The following HDAC9 variants were observed in gnomAD, a reference collection of about 807,000 sequenced individuals.
The protein encoded by HDAC9 is histone deacetylase 9.
A neutral mutation model predicts 139.4 loss-of-function variants in HDAC9; 41 were observed. That is an observed-to-expected ratio of 0.29 (90% confidence interval 0.23 to 0.38). The LOEUF is 0.38. Ranked by LOEUF, HDAC9 falls within the 10% of genes least tolerant of loss-of-function variation. HDAC9 has a pLI of 1.00. For synonymous variants in HDAC9, 517 were observed against 476.2 expected (o/e 1.09, Z -1.12); for missense variants, 1,147 against 1,297.0 (o/e 0.88, Z 1.78).
intron 15 of HDAC9, among the ~76,000 whole-genome samples, chr7:18,763,369 C>G (rs114805718): frequency 0.016 from 2,461 of 152,150 alleles, 69 homozygotes; most frequent in African/African-American, 0.056. Context: ...CCCACACATG[C>G]GTGTAGCAGT....
At chr7:18,181,634 A>C (rs139104255) in intron 2 of HDAC9, among the ~76,000 whole-genome samples, 1 of 152,296 alleles carries the variant, frequency 6.6e-6, no homozygotes, top group African/African-American at 2.4e-5. Flanking sequence ...GACCTCCACC[A>C]CAATTATACA....
intron 12 of HDAC9, among the ~76,000 whole-genome samples, chr7:18,689,342 A>C (rs971554279): frequency 6.6e-6 from 1 of 151,816 alleles, no homozygotes; most frequent in Non-Finnish European, 1.5e-5. Context: ...AATTTTCAAA[A>C]TTCAGAAACG....
At chr7:18,540,181 G>C (rs1264799718) in intron 2 of HDAC9, among the ~76,000 whole-genome samples, 2 of 149,306 alleles carry the variant, frequency 1.3e-5, no homozygotes, top group African/African-American at 4.9e-5. Context: ...GCTGAGGCAG[G>C]AGAATCACTT....
At chr7:18,489,105 G>C (rs1796179859) in intron 1 of HDAC9, among the ~76,000 whole-genome samples, 1 of 151,968 alleles carries the variant, frequency 6.6e-6, no homozygotes, top group South Asian at 2.1e-4. Flanking sequence ...TCACTTAATA[G>C]GTTCATCTGA....
intron 6 of HDAC9, among the ~76,000 whole-genome samples, chr7:18,615,533 C>T (rs1838340622): frequency 6.6e-6 from 1 of 152,110 alleles, no homozygotes; most frequent in Non-Finnish European, 1.5e-5. Context: ...ATAAATTATA[C>T]TTTTTGTCTT....
intron 2 of HDAC9, among the ~76,000 whole-genome samples, chr7:18,206,694 C>T (rs1295677078): frequency 6.6e-6 from 1 of 152,104 alleles, no homozygotes; most frequent in Non-Finnish European, 1.5e-5. Flanking sequence ...AGGGTACACA[C>T]AGGGCCATTG....
At chr7:18,476,003 C>A (rs1795084291) in intron 1 of HDAC9, among the ~76,000 whole-genome samples, 1 of 152,120 alleles carries the variant, frequency 6.6e-6, no homozygotes, top group Non-Finnish European at 1.5e-5. Flanking sequence ...CTCTTGAAAC[C>A]CAACTATGTG....
At chr7:18,890,331 C>T (rs1800566765) in intron 22 of HDAC9, among the ~76,000 whole-genome samples, 1 of 152,170 alleles carries the variant, frequency 6.6e-6, no homozygotes, top group South Asian at 2.1e-4. Flanking sequence ...CTTTTAAATG[C>T]TTCAAACCAC....
At chr7:18,486,092 G>T (rs1343972677) in intron 1 of HDAC9, among the ~76,000 whole-genome samples, 2 of 152,108 alleles carry the variant, frequency 1.3e-5, no homozygotes, top group Non-Finnish European at 2.9e-5. Context: ...GCATGAGAAA[G>T]CAAGAGATGG....
intron 1 of HDAC9, among the ~76,000 whole-genome samples, chr7:18,103,188 A>T (rs1178136839): frequency 2.0e-5 from 3 of 152,222 alleles, no homozygotes; most frequent in Middle Eastern, 3.4e-3. Flanking sequence ...CTACCATGGG[A>T]ACAGTATGGG....
intron 6 of HDAC9, among the ~76,000 whole-genome samples, chr7:18,616,897 A>G (rs535455166): frequency 6.6e-6 from 1 of 152,326 alleles, no homozygotes; most frequent in African/African-American, 2.4e-5. Flanking sequence ...AAGACTTAAA[A>G]TTATATTGTG....
chr7:18,920,754 T>C (rs557478148), intron 22 of HDAC9, among the ~76,000 whole-genome samples: 2 of 152,162 alleles, frequency 1.3e-5, no homozygotes, highest in Non-Finnish European at 1.5e-5. Flanking sequence ...GAGATAATCA[T>C]GTGGTTTTTG....
In HDAC9 at chr7:18,495,995, C is replaced by G. The variant is rs1796835627; in HGVS notation, c.-70C>G. Reference sequence around the variant, plus strand: ...CCTAAACTCCAGAGAGCTATAGCATCCACTCTGTCCTTTCTGCTTTGCACA... The same window carrying G: ...CCTAAACTCCAGAGAGCTATAGCATGCACTCTGTCCTTTCTGCTTTGCACA... On this transcript the variant is annotated 5_prime_UTR_variant, in exon 1 of 26. In the 5' UTR this introduces an upstream ATG that the reference lacks. Transcript: ENST00000686413. 7.2e-7 allele frequency: 1 copy of G among 1,379,878 alleles called. No homozygotes were observed. Among genetic ancestry groups the G allele is most frequent in the Admixed American group, 3.1e-5 (1 of 32,244 alleles). 85.5% of individuals were successfully genotyped at this position (1,379,878 alleles called of 1,614,324 possible).
chr7:18,556,265 C>A (rs113757223), intron 2 of HDAC9, among the ~76,000 whole-genome samples: 3 of 152,032 alleles, frequency 2.0e-5, no homozygotes, highest in African/African-American at 7.2e-5. Flanking sequence ...TTCTTATAGA[C>A]AAAAACAGTT....
intron 1 of HDAC9, among the ~76,000 whole-genome samples, chr7:18,145,411 A>G (rs1196670831): frequency 1.3e-5 from 2 of 152,210 alleles, no homozygotes; most frequent in Non-Finnish European, 1.5e-5. Context: ...GCTGTGCTGT[A>G]GTACCTACCA....
intron 1 of HDAC9, among the ~76,000 whole-genome samples, chr7:18,147,485 G>A (rs1196216467): frequency 6.6e-6 from 1 of 151,922 alleles, no homozygotes; most frequent in Non-Finnish European, 1.5e-5. Context: ...CTTGTTCGCT[G>A]GTGGACACAT....
chr7:18,815,066 GT>G (rs1273316684), intron 17 of HDAC9, among the ~76,000 whole-genome samples: 2 of 152,166 alleles, frequency 1.3e-5, no homozygotes, highest in African/African-American at 4.8e-5. Context: ...CGTTGGTACA[GT>G]CTTTATAGCC....
intron 2 of HDAC9, among the ~76,000 whole-genome samples, chr7:18,209,033 C>T (rs1225838490): frequency 6.6e-6 from 1 of 152,252 alleles, no homozygotes; most frequent in East Asian, 1.9e-4. Context: ...GCAGCTTTAC[C>T]TTTTTCAAAT....
intron 25 of HDAC9, among the ~76,000 whole-genome samples, chr7:18,979,986 A>G (rs1784794661): frequency 6.6e-6 from 1 of 152,156 alleles, no homozygotes; most frequent in African/African-American, 2.4e-5. Flanking sequence ...TAGCAGGCAA[A>G]TTTTTCAATA....
Sources: gnomAD v4.1 joint callset for allele counts (sites outside exome capture counted in the v4.1 genomes callset) on GRCh38, gnomAD v4.1.1 for gene constraint, MANE v1.5 for transcripts, NCBI Gene and HGNC (gene_info 2026-07-23, HGNC 2026-07-21) for gene names.